The following PARVG variants were observed in gnomAD, a reference collection of about 807,000 sequenced individuals.
PARVG encodes the protein parvin gamma.
Under a neutral mutation model 44.4 loss-of-function variants are expected in PARVG, and 36 were observed. The observed-to-expected ratio is 0.81, with a 90% CI of 0.62 to 1.07. The LOEUF (loss-of-function observed/expected upper bound fraction) is 1.07, where lower values mean the gene tolerates loss of function less well. Among genes scored for constraint, PARVG ranks in the 50% least tolerant of loss-of-function variants. PARVG has a pLI of 0.00. For synonymous variants in PARVG, 170 were observed against 174.1 expected (o/e 0.98, Z 0.19); for missense variants, 407 against 407.4 (o/e 1.00, Z 0.01).
chr22:44,196,428 C>T lies in PARVG; in HGVS notation c.711+13C>T, dbSNP rs539614346. Reference sequence around the variant, plus strand: ...TCTGGACACCCAGGTAGGGACTGAGCTGCGGCGTCCCCAGGCAGGGCAGGG... The same window carrying T: ...TCTGGACACCCAGGTAGGGACTGAGTTGCGGCGTCCCCAGGCAGGGCAGGG... On this transcript the variant is annotated intron_variant, in intron 11 of 13. Transcript: ENST00000444313. 4.0e-5 allele frequency: 65 copies of T among 1,613,978 alleles called. No homozygotes were observed. Among genetic ancestry groups the T allele is most frequent in the Admixed American group, 4.0e-4 (24 of 60,030 alleles).
chr22:44,198,176 AT>A (rs1186619409), intron 11 of PARVG, among the ~76,000 whole-genome samples: 1 of 152,348 alleles, frequency 6.6e-6, no homozygotes, highest in Middle Eastern at 3.4e-3. Context: ...ATATTAACAT[AT>A]GATATGCTGG....
At chr22:44,177,418 A>G (rs527418483), upstream of PARVG, among the ~76,000 whole-genome samples, 22 of 152,246 alleles carry the variant, frequency 1.4e-4, no homozygotes, top group East Asian at 1.2e-3. Context: ...TTTTTTTCCA[A>G]TTGTCTCAAT....
chr22:44,179,525 T>C (rs567367807), upstream of PARVG, among the ~76,000 whole-genome samples: 22 of 152,334 alleles, frequency 1.4e-4, no homozygotes, highest in South Asian at 2.9e-3. This position sits in a 1 kb window ranked among gnomAD's most constrained non-coding sequence, Gnocchi z 4.2. Flanking sequence ...TGTGCTCGTA[T>C]TGCGTATGGA....
In PARVG at chr22:44,198,884, A is replaced by AT. The variant is rs2054655672; in HGVS notation, c.813+162_813+163insT. Among the ~76,000 whole-genome samples, 4 of 138,608 alleles carry AT rather than the reference A, an allele frequency of 2.9e-5. No individual in the cohort carries two copies. The South Asian group carries it at 9.6e-4, about 33-fold the overall frequency. 90.9% of individuals were successfully genotyped at this position (138,608 alleles called of 152,430 possible). ...TATCCATCCATCCATCCATCCATCCACCTATTCACCTATCCATCCATCTAC... is the reference window on the plus strand; with the variant it reads ...TATCCATCCATCCATCCATCCATCCATCCTATTCACCTATCCATCCATCTAC... On this transcript the variant is annotated intron_variant, in intron 12 of 13. Transcript: ENST00000444313.
At chr22:44,186,151 G>T in intron 4 of PARVG, 1 of 325,098 alleles carries the variant, frequency 3.1e-6, no homozygotes, top group Non-Finnish European at 6.1e-6. Flanking sequence ...ACATCCCGGG[G>T]ACAGGACAGA....
At chr22:44,173,612 G>T (rs960081068) in intron 1 of PARVG, among the ~76,000 whole-genome samples, 1 of 152,222 alleles carries the variant, frequency 6.6e-6, no homozygotes, top group Admixed American at 6.5e-5. Flanking sequence ...GCCTGGGTTT[G>T]TGTCCAGGTT....
chr22:44,196,619 G>A lies in PARVG; in HGVS notation c.711+204G>A, dbSNP rs112899730. ...ATGGTGGGATCCCGGGGGTGGAGGT[G>A]TGGGAACACTTCACAAAGCTGGAGT... is the stretch of plus-strand genomic sequence containing the variant. On this transcript the variant is annotated intron_variant, in intron 11 of 13. Coordinates refer to ENST00000444313, the MANE Select transcript of PARVG (RefSeq NM_022141.7). Among the ~76,000 whole-genome samples the A allele has an allele frequency of 3.0e-3, 449 of 151,704 alleles. 4 individuals are homozygous for A. The highest frequency in any genetic ancestry group is 9.8e-3 in the African/African-American group (404 of 41,256).
At chr22:44,200,406 C>T (rs1021563252) in intron 12 of PARVG, among the ~76,000 whole-genome samples, 1 of 152,214 alleles carries the variant, frequency 6.6e-6, no homozygotes, top group African/African-American at 2.4e-5. Context: ...CCTACTCAGG[C>T]CACACAGGTA....
At chr22:44,175,899 G>T (rs1320128197) in intron 1 of PARVG, among the ~76,000 whole-genome samples, 4 of 152,210 alleles carry the variant, frequency 2.6e-5, no homozygotes. Context: ...CAGCCCCTCG[G>T]ATTTAGGTGG....
rs757838187 is a variant in PARVG at position 44,173,062 on chromosome 22, G to A, written c.-318G>A. The A allele has an allele frequency of 6.2e-6, 8 of 1,289,750 alleles. No individual in the cohort carries two copies. The East Asian group carries it at 2.2e-4, about 36-fold the overall frequency. The allele number at this position is 1,289,750 out of a possible 1,614,324, so 79.9% of individuals were successfully genotyped here. On this transcript the variant is annotated 5_prime_UTR_variant, in exon 1 of 14. Transcript: ENST00000422871. ...GTGACTCCACCCAGCGCTGCTTCCC[G>A]GGACCTTCCAATTGGACAGGAGCTG...
Position 44,181,139 on chromosome 22 carries a change from A to G in PARVG, c.-235A>G. On this transcript the variant is annotated 5_prime_UTR_variant, in exon 1 of 14. In the 5' UTR this introduces an upstream ATG that the reference lacks. Coordinates refer to ENST00000444313, the MANE Select transcript of PARVG (RefSeq NM_022141.7). ...CCCCTTGGCAACAACCACCACCAATATTTATTCACTGAGCCCACTTTGTGC... is the reference window on the plus strand; with the variant it reads ...CCCCTTGGCAACAACCACCACCAATGTTTATTCACTGAGCCCACTTTGTGC... 2.4e-6 allele frequency: 1 copy of G among 418,080 alleles called. No homozygotes were observed. The highest frequency in any genetic ancestry group is 3.2e-6 in the Non-Finnish European group (1 of 311,294). 25.9% of individuals were successfully genotyped at this position (418,080 alleles called of 1,614,324 possible).
rs2054800065 is a variant in PARVG, at chr22:44,207,741, G to C, written c.*1315G>C. On this transcript the variant is annotated 3_prime_UTR_variant, in exon 14 of 14. Transcript: ENST00000444313. ...AGTGCCAGGTCAGCCCTGGGAGCTG[G>C]TGTCTGGGTGTGAGAAGGCCTTGAG... 6.6e-6 allele frequency: 1 copy of C among 152,190 alleles called. No individual in the cohort carries two copies. Among genetic ancestry groups the C allele is most frequent in the African/African-American group, 2.4e-5 (1 of 41,388 alleles). The allele number at this position is 152,190 out of a possible 1,614,324, so 9.4% of individuals were successfully genotyped here.
rs184506094 is a variant in PARVG, at chr22:44,182,196, G to A, written c.-13+279G>A. ...TGAAGAAACTGAGGCCCTGGGGCCA[G>A]GAAGGGGCTTGCCCAGGCTGCTGAT... On this transcript the variant is annotated intron_variant, in intron 2 of 13. Coordinates refer to ENST00000444313, the MANE Select transcript of PARVG (RefSeq NM_022141.7). The surrounding 1 kb of genome is among the most constrained non-coding windows in gnomAD (Gnocchi z 4.6). Among the ~76,000 whole-genome samples the A allele has an allele frequency of 4.6e-5, 7 of 152,320 alleles. No homozygotes were observed. The highest frequency in any genetic ancestry group is 2.0e-4 in the Admixed American group (3 of 15,310).
intron 12 of PARVG, among the ~76,000 whole-genome samples, chr22:44,199,710 C>T (rs137985996): frequency 1.4e-4 from 21 of 152,188 alleles, no homozygotes; most frequent in African/African-American, 4.6e-4. Flanking sequence ...AGAGGGGAGC[C>T]GGGAAGTTGA....
chr22:44,181,902 C>T lies in PARVG; in HGVS notation c.-28C>T, dbSNP rs766637994. On this transcript the variant is annotated 5_prime_UTR_variant, in exon 2 of 14. Transcript: ENST00000444313. The stretch of plus-strand genomic sequence containing the variant: ...CACTCAGTAGGCCTTTGTTTTCCTG[C>T]GTGGAAAGCGGTTGGGTGAGTTCTG... 2 of 985,436 alleles carry T rather than the reference C, an allele frequency of 2.0e-6. No individual in the cohort carries two copies. The highest frequency in any genetic ancestry group is 2.3e-4 in the East Asian group (2 of 8,792). The allele number at this position is 985,436 out of a possible 1,614,324, so 61.0% of individuals were successfully genotyped here.
In PARVG at chr22:44,182,332, G is replaced by A. The variant is rs954866969; in HGVS notation, c.-13+415G>A. On this transcript the variant is annotated intron_variant, in intron 2 of 13. Transcript: ENST00000444313. This position sits in a 1 kb window ranked among gnomAD's most constrained non-coding sequence, Gnocchi z 4.6. ...GCCTGAGTGAGGAGGAGCTGGCCTG[G>A]GACCCAGGCTTCCTGACGCCCAGGC... Among the ~76,000 whole-genome samples the A allele has an allele frequency of 1.3e-5, 2 of 152,140 alleles. No homozygotes were observed. The highest frequency in any genetic ancestry group is 2.9e-5 in the Non-Finnish European group (2 of 68,030).
upstream of PARVG, among the ~76,000 whole-genome samples, chr22:44,180,646 C>T (rs2054362250): frequency 6.6e-6 from 1 of 152,206 alleles, no homozygotes; most frequent in Admixed American, 6.5e-5. Flanking sequence ...ATTGTACCTA[C>T]CTCACAAGGA....
Position 44,189,212 on chromosome 22 carries a change from A to C in PARVG, c.346A>C (p.Ser116Arg), listed in dbSNP as rs1305495710. 1.2e-6 allele frequency: 2 copies of C among 1,614,184 alleles called. No individual in the cohort carries two copies. Among genetic ancestry groups the C allele is most frequent in the Admixed American group, 1.7e-5 (1 of 60,028 alleles). Reference protein sequence around the residue: ...LTVVLEAVNRSLQLEEWQAKW... With the variant: ...LTVVLEAVNRRLQLEEWQAKW... Reference sequence around the variant, plus strand: ...AGTGGTGCTGGAGGCCGTGAACCGGAGTCTGCAGCTGGAGGAGTGGCAGGC... The same window carrying C: ...AGTGGTGCTGGAGGCCGTGAACCGGCGTCTGCAGCTGGAGGAGTGGCAGGC... Residue 116 changes from serine to arginine, a missense_variant, in exon 6 of 14, where the codon AGT becomes CGT. Coordinates refer to ENST00000444313, the MANE Select transcript of PARVG (RefSeq NM_022141.7).
chr22:44,190,765 A>T lies in PARVG; in HGVS notation c.504+99A>T, dbSNP rs1034385094. On this transcript the variant is annotated intron_variant, in intron 7 of 13. Coordinates refer to ENST00000444313, the MANE Select transcript of PARVG (RefSeq NM_022141.7). ...GGTGGAGCTGGCTGGGGCGGGGCTG[A>T]CCCAGGGTGAGTTTCAGGGAACCCT... The T allele has an allele frequency of 3.0e-5, 30 of 1,012,966 alleles. No individual in the cohort carries two copies. The African/African-American group carries it at 4.6e-4, about 16-fold the overall frequency. 62.7% of individuals were successfully genotyped at this position (1,012,966 alleles called of 1,614,324 possible).
Sources: allele counts gnomAD v4.1 joint callset (sites outside exome capture counted in the v4.1 genomes callset), GRCh38; gene constraint gnomAD v4.1.1; non-coding constraint Gnocchi (gnomAD v3.1); transcripts MANE v1.5; gene names NCBI Gene and HGNC (gene_info 2026-07-23, HGNC 2026-07-21).